WWOX: variants seen among roughly 807,000 people sequenced by gnomAD.
WWOX encodes WW domain containing oxidoreductase.
Under a neutral mutation model 46.2 loss-of-function variants are expected in WWOX, and 69 were observed. That is an observed-to-expected ratio of 1.49 (90% CI 1.23 to 1.82). WWOX has a LOEUF of 1.82. Ranked by LOEUF, WWOX falls within the 40% of genes most tolerant of loss-of-function variation. The pLI, the probability that WWOX is intolerant of heterozygous loss-of-function variation, is 0.00. For synonymous variants in WWOX, 359 were observed against 202.6 expected (o/e 1.77, Z -6.56); for missense variants, 919 against 542.6 (o/e 1.69, Z -6.89).
chr16:78,270,778 GC>G (rs1446171120), intron 5 of WWOX, among the ~76,000 whole-genome samples: 1 of 151,996 alleles, frequency 6.6e-6, no homozygotes, highest in Non-Finnish European at 1.5e-5. Context: ...TGGCCCAAAG[GC>G]TAACTCCAGC....
chr16:78,820,464 A>T (rs925074786), intron 8 of WWOX, among the ~76,000 whole-genome samples: 4 of 152,142 alleles, frequency 2.6e-5, no homozygotes, highest in Non-Finnish European at 5.9e-5. Context: ...TTTCTTACTG[A>T]TGATCTGAGA....
intron 8 of WWOX, among the ~76,000 whole-genome samples, chr16:78,967,286 CTTTTTTTTTTTTTTTTTT>C (rs71140849): frequency 3.5e-5 from 2 of 56,830 alleles, no homozygotes; most frequent in Non-Finnish European, 5.8e-5. Flanking sequence ...CTGCCGAGGC[CTTTTTTTTTTTTTTTTTT>C]TTTTTTTTTG....
intron 1 of WWOX, among the ~76,000 whole-genome samples, chr16:78,107,799 G>C (rs748860729): frequency 7.9e-5 from 12 of 152,074 alleles, no homozygotes; most frequent in Admixed American, 7.9e-4. Context: ...GTGAGACCCT[G>C]ATTCTTTAAA....
chr16:78,206,943 T>C (rs1046854879), intron 5 of WWOX, among the ~76,000 whole-genome samples: 1 of 152,244 alleles, frequency 6.6e-6, no homozygotes, highest in African/African-American at 2.4e-5. Flanking sequence ...GAATGTTTTA[T>C]GTGAATTAAA....
chr16:78,228,925 G>C (rs530120501), intron 5 of WWOX, among the ~76,000 whole-genome samples: 1 of 152,056 alleles, frequency 6.6e-6, no homozygotes, highest in Admixed American at 6.6e-5. Context: ...GTGATTATGC[G>C]GAAGGTCAAA....
At chr16:79,005,397 C>T (rs928934527) in intron 8 of WWOX, among the ~76,000 whole-genome samples, 3 of 152,170 alleles carry the variant, frequency 2.0e-5, no homozygotes, top group South Asian at 2.1e-4. Flanking sequence ...ATAGCACATT[C>T]GTTTCTTAGG....
intron 4 of WWOX, among the ~76,000 whole-genome samples, chr16:78,155,557 T>C (rs2034570113): frequency 6.6e-6 from 1 of 152,232 alleles, no homozygotes; most frequent in African/African-American, 2.4e-5. Context: ...CTAGAAAAAC[T>C]GATGCTGTTC....
chr16:78,406,352 ATATT>A (rs1208239098), intron 6 of WWOX, among the ~76,000 whole-genome samples: 28 of 73,338 alleles, frequency 3.8e-4, no homozygotes, highest in Admixed American at 1.5e-3. Flanking sequence ...ATATATATAT[ATATT>A]TTATTATTTT....
intron 8 of WWOX, among the ~76,000 whole-genome samples, chr16:78,692,787 A>G (rs1363459347): frequency 6.6e-6 from 1 of 152,218 alleles, no homozygotes; most frequent in African/African-American, 2.4e-5. Flanking sequence ...GGGGGTACTG[A>G]TACCAGAGTT....
chr16:78,703,061 G>A (rs1227279948), intron 8 of WWOX, among the ~76,000 whole-genome samples: 1 of 152,148 alleles, frequency 6.6e-6, no homozygotes, highest in East Asian at 1.9e-4. Context: ...TGGGATCAGA[G>A]AAGGCTCCTC....
chr16:78,588,623 G>C (rs1453303595), intron 8 of WWOX, among the ~76,000 whole-genome samples: 1 of 152,196 alleles, frequency 6.6e-6, no homozygotes, highest in Admixed American at 6.5e-5. Context: ...CTCAGAGAAA[G>C]TGAGGTCATT....
intron 8 of WWOX, among the ~76,000 whole-genome samples, chr16:78,669,724 C>G (rs16948282): frequency 0.017 from 2,575 of 152,218 alleles, 62 homozygotes; most frequent in African/African-American, 0.058. Flanking sequence ...TGGATAATTG[C>G]CTTTCATCCC....
intron 5 of WWOX, among the ~76,000 whole-genome samples, chr16:78,164,602 T>C (rs370579252): frequency 6.6e-6 from 1 of 152,336 alleles, no homozygotes; most frequent in East Asian, 1.9e-4. Flanking sequence ...TAGGAGACTG[T>C]TATGCTTATG....
intron 4 of WWOX, among the ~76,000 whole-genome samples, chr16:78,150,073 C>T (rs2034346044): frequency 6.6e-6 from 1 of 152,172 alleles, no homozygotes; most frequent in African/African-American, 2.4e-5. Flanking sequence ...ACTTCAAATG[C>T]CAGTAGCAAG....
At chr16:78,897,020 G>T (rs2044715724) in intron 8 of WWOX, 1 of 150,870 alleles carries the variant, frequency 6.6e-6, no homozygotes, top group Admixed American at 6.6e-5. Flanking sequence ...TTGAGGCCAG[G>T]AGTTTGAGAT....
intron 5 of WWOX, among the ~76,000 whole-genome samples, chr16:78,379,589 T>G (rs1464115109): frequency 6.6e-6 from 1 of 152,126 alleles, no homozygotes; most frequent in Non-Finnish European, 1.5e-5. Context: ...TTGTTGGAGG[T>G]AAGTGGAGAA....
intron 5 of WWOX, among the ~76,000 whole-genome samples, chr16:78,334,470 G>T (rs1171053203): frequency 6.6e-6 from 1 of 152,136 alleles, no homozygotes; most frequent in African/African-American, 2.4e-5. Flanking sequence ...AGCACTTTCG[G>T]TGAGGTGTTA....
rs370964832 is a variant in WWOX, at chr16:78,535,366, A to G, written c.1056+102614A>G. ...TGACTTGCTGCTTTATCTTCTCTCC[A>G]TCTCCTTACAGCAGCTCCAACTACT... is the stretch of plus-strand genomic sequence containing the variant. On this transcript the variant is annotated intron_variant, in intron 8 of 8. Transcript: ENST00000566780. 5 of 152,304 alleles carry G rather than the reference A, an allele frequency of 3.3e-5. No homozygotes were observed. The East Asian group carries it at 9.7e-4, about 29-fold the overall frequency. 9.4% of individuals were successfully genotyped at this position (152,304 alleles called of 1,614,324 possible).
intron 8 of WWOX, among the ~76,000 whole-genome samples, chr16:78,484,689 T>C (rs1199042313): frequency 1.3e-5 from 2 of 152,178 alleles, no homozygotes; most frequent in East Asian, 1.9e-4. Context: ...AGCAGGTTGC[T>C]AATTTTACTT....
Sources: allele counts gnomAD v4.1 joint callset (sites outside exome capture counted in the v4.1 genomes callset), GRCh38; gene constraint gnomAD v4.1.1; transcripts MANE v1.5; gene names NCBI Gene and HGNC (gene_info 2026-07-23, HGNC 2026-07-21).